The following EPHA4 variants were observed in gnomAD, a reference collection of about 807,000 sequenced individuals.
The protein encoded by EPHA4 is ephrin type-A receptor 4.
EPHA4 carries 19 observed loss-of-function variants against 108.3 expected under a neutral mutation model. That is an observed-to-expected ratio of 0.18 (90% confidence interval 0.12 to 0.26). The LOEUF is 0.26. EPHA4 is among the 10% of genes least tolerant of loss of function. The probability of loss-of-function intolerance (pLI) is 1.00; values close to 1 mark genes in which losing one functional copy is unlikely to be tolerated. For missense variants in EPHA4, 917 were observed against 1,254.0 expected (o/e 0.73, Z 4.06); for synonymous variants, 449 against 455.5 (o/e 0.99, Z 0.18).
At chr2:221,432,353 G>A (rs1469784441) in intron 14 of EPHA4, among the ~76,000 whole-genome samples, 1 of 152,120 alleles carries the variant, frequency 6.6e-6, no homozygotes, top group Non-Finnish European at 1.5e-5. Flanking sequence ...CTTTGTCCCT[G>A]TGAGAGTCTC....
intron 3 of EPHA4, among the ~76,000 whole-genome samples, chr2:221,505,951 G>A (rs1330724871): frequency 6.6e-6 from 1 of 152,106 alleles, no homozygotes; most frequent in East Asian, 1.9e-4. Context: ...ACATTAATGG[G>A]GGGTTAAAAA....
At chr2:221,485,230 G>A (rs1691943988) in intron 4 of EPHA4, among the ~76,000 whole-genome samples, 1 of 152,128 alleles carries the variant, frequency 6.6e-6, no homozygotes, top group Non-Finnish European at 1.5e-5. Flanking sequence ...AGAAGAAATG[G>A]AGCAGAAAAC....
At position 221,564,295 on chromosome 2, in the gene EPHA4, C is replaced by A. The variant is rs754695380; in HGVS notation, c.259G>T (p.Asp87Tyr). Reference sequence around the variant, plus strand: ...TGAGCCCCTTCTCGGGTGATCCAATCAGTTCGTAGCCAGTTATTCTGGCTG... The same window carrying A: ...TGAGCCCCTTCTCGGGTGATCCAATAAGTTCGTAGCCAGTTATTCTGGCTG... ...EPSQNNWLRT[D>Y]WITREGAQRV... Residue 87 changes from aspartate (D) to tyrosine (Y), a missense_variant, in exon 3 of 18, where the codon GAT becomes TAT. Coordinates refer to ENST00000281821, the MANE Select transcript of EPHA4 (RefSeq NM_004438.5). 15 of 1,614,038 alleles carry A rather than the reference C, an allele frequency of 9.3e-6. No homozygotes were observed. Among genetic ancestry groups the A allele is most frequent in the Non-Finnish European group, 1.3e-5 (15 of 1,180,040 alleles).
At chr2:221,504,668 A>G (rs927211741) in intron 3 of EPHA4, among the ~76,000 whole-genome samples, 3 of 152,096 alleles carry the variant, frequency 2.0e-5, no homozygotes, top group South Asian at 2.1e-4. Flanking sequence ...AGAGTAGCTA[A>G]TAATAGCAAT....
intron 6 of EPHA4, among the ~76,000 whole-genome samples, chr2:221,457,289 T>C (rs1690989514): frequency 6.6e-6 from 1 of 152,200 alleles, no homozygotes; most frequent in African/African-American, 2.4e-5. Context: ...ATAGCTCTCT[T>C]CAAAATTCTG....
chr2:221,572,386 C>A, upstream of EPHA4: 2 of 677,018 alleles, frequency 3.0e-6, no homozygotes, highest in Non-Finnish European at 4.9e-6. Flanking sequence ...CCGGGGCCCG[C>A]GGCCAATGGC....
rs1553595985 is a variant in EPHA4, at chr2:221,566,969, G to GAAGAAGAAGAAGAAGAAGAAGAAGAA, written c.159+1748_159+1749insTTCTTCTTCTTCTTCTTCTTCTTCTT. The stretch of plus-strand genomic sequence containing the variant: ...GAGAAGGAGAAGGGGAAGAGGAAGA[G>GAAGAAGAAGAAGAAGAAGAAGAAGAA]GAAGAAGAAGAAGAAGAAGAAGAAG... On this transcript the variant is annotated intron_variant, in intron 2 of 17. Coordinates refer to ENST00000281821, the MANE Select transcript of EPHA4 (RefSeq NM_004438.5). Among the ~76,000 whole-genome samples the GAAGAAGAAGAAGAAGAAGAAGAAGAA allele has an allele frequency of 2.5e-4, 7 of 27,648 alleles. 2 individuals carry two copies. Among genetic ancestry groups the GAAGAAGAAGAAGAAGAAGAAGAAGAA allele is most frequent in the Non-Finnish European group, 2.5e-4 (4 of 16,170 alleles). 18.1% of individuals were successfully genotyped at this position (27,648 alleles called of 152,430 possible).
At chr2:221,484,613 T>C (rs559835250) in intron 4 of EPHA4, among the ~76,000 whole-genome samples, 68 of 152,324 alleles carry the variant, frequency 4.5e-4, no homozygotes, top group African/African-American at 1.6e-3. Flanking sequence ...GTAACTGGAA[T>C]ATAATGACAA....
At chr2:221,439,115 A>C (rs1690334363) in intron 11 of EPHA4, among the ~76,000 whole-genome samples, 1 of 152,194 alleles carries the variant, frequency 6.6e-6, no homozygotes, top group African/African-American at 2.4e-5. Flanking sequence ...TTTGCATTAG[A>C]AAATGGTACC....
intron 3 of EPHA4, among the ~76,000 whole-genome samples, chr2:221,560,163 A>G (rs928259087): frequency 6.6e-6 from 1 of 150,494 alleles, no homozygotes; most frequent in Non-Finnish European, 1.5e-5. Flanking sequence ...TAAGATCTTA[A>G]TCAATCTTCC....
In EPHA4 at chr2:221,418,787, A is replaced by G. The variant is rs1689659258; in HGVS notation, c.*2585T>C. ...GGCCAGGGCTTGCCCACGGGCTCAG[A>G]CCCAGACCCTGAAGTTGGCCTCCTA... On this transcript the variant is annotated 3_prime_UTR_variant, in exon 18 of 18. Coordinates refer to ENST00000281821, the MANE Select transcript of EPHA4 (RefSeq NM_004438.5). 6.6e-6 allele frequency: 1 copy of G among 152,462 alleles called. No individual in the cohort carries two copies. The highest frequency in any genetic ancestry group is 1.5e-5 in the Non-Finnish European group (1 of 68,068). 9.4% of individuals were successfully genotyped at this position (152,462 alleles called of 1,614,324 possible).
chr2:221,460,656 C>T (rs1691110125), intron 5 of EPHA4, among the ~76,000 whole-genome samples: 1 of 152,208 alleles, frequency 6.6e-6, no homozygotes, highest in African/African-American at 2.4e-5. Flanking sequence ...TGGATGTTCT[C>T]CACATCATAA....
intron 3 of EPHA4, chr2:221,532,873 G>A (rs1693560513): frequency 6.6e-6 from 1 of 152,374 alleles, no homozygotes; most frequent in African/African-American, 2.4e-5. Context: ...TCTGGGCCAG[G>A]TGACTGTTTG....
chr2:221,448,652 G>A lies in EPHA4; in HGVS notation c.1716-2471C>T, dbSNP rs1487759841. On this transcript the variant is annotated intron_variant, in intron 8 of 17. Transcript: ENST00000281821. ...GGAAAATGCCATCGATTGGTCCCAA[G>A]GGAGTGATAGGGTCCTGCCAGCCTG... is the stretch of plus-strand genomic sequence containing the variant. Among the ~76,000 whole-genome samples, 9 of 152,300 alleles carry A rather than the reference G, an allele frequency of 5.9e-5. No homozygotes were observed. The East Asian group carries it at 1.5e-3, about 26-fold the overall frequency.
chr2:221,441,287 C>T (rs1690420571), intron 11 of EPHA4, among the ~76,000 whole-genome samples: 1 of 148,916 alleles, frequency 6.7e-6, no homozygotes, highest in Non-Finnish European at 1.5e-5. Context: ...TGCAGTGGTA[C>T]TATCGTAGCT....
intron 4 of EPHA4, among the ~76,000 whole-genome samples, chr2:221,486,584 A>G (rs1018821933): frequency 1.3e-5 from 2 of 151,894 alleles, no homozygotes; most frequent in African/African-American, 2.4e-5. Flanking sequence ...ATAAAAAAAA[A>G]TTAGCCAGGT....
chr2:221,557,340 G>T (rs892301518), intron 3 of EPHA4, among the ~76,000 whole-genome samples: 1 of 152,098 alleles, frequency 6.6e-6, no homozygotes, highest in Non-Finnish European at 1.5e-5. Flanking sequence ...TGGTTTCTTT[G>T]TTGGATTGAT....
intron 4 of EPHA4, among the ~76,000 whole-genome samples, chr2:221,490,330 A>T (rs923269795): frequency 2.6e-5 from 4 of 152,022 alleles, no homozygotes; most frequent in African/African-American, 9.7e-5. Context: ...TGATAGAAAA[A>T]CCAAAGTCTC....
intron 17 of EPHA4, among the ~76,000 whole-genome samples, chr2:221,421,057 G>A (rs1302433254): frequency 6.6e-6 from 1 of 152,202 alleles, no homozygotes; most frequent in Non-Finnish European, 1.5e-5. Flanking sequence ...CCAGCGTTTT[G>A]GGAGCCGAGG....
Sources: gnomAD v4.1 joint callset for allele counts (sites outside exome capture counted in the v4.1 genomes callset) on GRCh38, gnomAD v4.1.1 for gene constraint, MANE v1.5 for transcripts, NCBI Gene and HGNC (gene_info 2026-07-23, HGNC 2026-07-21) for gene names.